The following TMA16 variants were observed in gnomAD, a reference collection of about 807,000 sequenced individuals.
The protein encoded by TMA16 is translation machinery-associated protein 16.
A neutral mutation model predicts 27.1 loss-of-function variants in TMA16; 26 were observed. The ratio of observed to expected loss-of-function variants is 0.96; its 90% confidence interval spans 0.70 to 1.33. The LOEUF (loss-of-function observed/expected upper bound fraction) is 1.33. Among genes scored for constraint, TMA16 ranks in the 40% most tolerant of loss-of-function variants. The probability of loss-of-function intolerance (pLI) is 0.00; values close to 1 mark genes in which losing one functional copy is unlikely to be tolerated. For missense variants in TMA16, 233 were observed against 241.4 expected (o/e 0.97, Z 0.23); for synonymous variants, 71 against 81.9 (o/e 0.87, Z 0.72).
chr4:163,516,155 A>C (rs1737873587), intron 5 of TMA16: 1 of 152,282 alleles, frequency 6.6e-6, no homozygotes, highest in African/African-American at 2.4e-5. Flanking sequence ...TTATCAGAGC[A>C]CATCCAAAGT....
intron 1 of TMA16, among the ~76,000 whole-genome samples, chr4:163,500,176 A>G (rs775585100): frequency 3.3e-5 from 5 of 151,930 alleles, no homozygotes; most frequent in Admixed American, 6.6e-5. Flanking sequence ...TAAATACTTA[A>G]GAAACGTATA....
rs1462050349 is a variant in TMA16, at chr4:163,519,547, G to C, written c.*33G>C. 31 of 1,503,292 alleles carry C rather than the reference G, an allele frequency of 2.1e-5. No homozygotes were observed. The highest frequency in any genetic ancestry group is 2.7e-5 in the Non-Finnish European group (31 of 1,132,776). 93.1% of individuals were successfully genotyped at this position (1,503,292 alleles called of 1,614,324 possible). On this transcript the variant is annotated 3_prime_UTR_variant, in exon 7 of 7. Transcript: ENST00000358572. Reference sequence around the variant, plus strand: ...CACTTGAATTGAAAATAAATAATTTGAGAGCTTCAAATTATATTCATTGAT... The same window carrying C: ...CACTTGAATTGAAAATAAATAATTTCAGAGCTTCAAATTATATTCATTGAT...
rs779693429 is a variant in TMA16 at position 163,514,158 on chromosome 4, G to A, written c.239G>A (p.Arg80Lys). Residue 80 changes from arginine (R) to lysine (K), a missense_variant and splice_region_variant, in exon 4 of 7, where the codon AGG becomes AAG. Coordinates refer to ENST00000358572, the MANE Select transcript of TMA16 (RefSeq NM_018352.3). The stretch of plus-strand genomic sequence containing the variant: ...AAAGATGCTTGTGAACTAATTGAAA[G>A]GTAAACACTGGGCATATTATGAGCA... ...SKKDACELIE[R>K]YLNRFSSELE... 2 of 1,601,738 alleles carry A rather than the reference G, an allele frequency of 1.2e-6. No individual in the cohort carries two copies. Among genetic ancestry groups the A allele is most frequent in the Non-Finnish European group, 1.7e-6 (2 of 1,174,040 alleles).
intron 1 of TMA16, among the ~76,000 whole-genome samples, chr4:163,495,654 G>A (rs1403362206): frequency 1.3e-5 from 2 of 152,018 alleles, no homozygotes; most frequent in African/African-American, 4.8e-5. Flanking sequence ...TTTAATAAAA[G>A]CAAAATTTTA....
At chr4:163,512,960 C>G in intron 3 of TMA16, 101 bp downstream of exon 3, 1 of 862,184 alleles carries the variant, frequency 1.2e-6, no homozygotes, top group East Asian at 2.6e-5. Context: ...CTGTTTTTAT[C>G]AAAGTGAATT....
intron 2 of TMA16, among the ~76,000 whole-genome samples, chr4:163,509,862 G>A (rs1435032201): frequency 6.6e-6 from 1 of 152,110 alleles, no homozygotes; most frequent in Non-Finnish European, 1.5e-5. Context: ...ATTCTAGATA[G>A]CAAATGAAAA....
At chr4:163,507,355 G>A (rs1004111035) in intron 2 of TMA16, among the ~76,000 whole-genome samples, 1 of 152,150 alleles carries the variant, frequency 6.6e-6, no homozygotes, top group African/African-American at 2.4e-5. Flanking sequence ...AGTAGGTGAT[G>A]AGTGCCATGA....
Position 163,514,102 on chromosome 4 carries a change from T to G in TMA16, c.183T>G (p.His61Gln). 1 of 1,610,472 alleles carries G rather than the reference T, an allele frequency of 6.2e-7. No homozygotes were observed. Among genetic ancestry groups the G allele is most frequent in the Non-Finnish European group, 8.5e-7 (1 of 1,178,538 alleles). ...AAAAACTGCAATGGTTTCAAAATCA[T>G]CTTGATCCCCAAAAAAAGAGATATT... ...VGEKLQWFQNHLDPQKKRYSK... is the reference protein window; with the variant it reads ...VGEKLQWFQNQLDPQKKRYSK... The change falls in exon 4 of 7, where the codon CAT (histidine) becomes CAG (glutamine). Residue 61 changes from histidine to glutamine, a missense_variant. Transcript: ENST00000358572.
intron 2 of TMA16, among the ~76,000 whole-genome samples, chr4:163,507,771 AAGG>A (rs1329605690): frequency 6.6e-6 from 1 of 151,926 alleles, no homozygotes; most frequent in Non-Finnish European, 1.5e-5. Context: ...TGAGACTGAG[AAGG>A]AGGAGAAAGA....
intron 1 of TMA16, among the ~76,000 whole-genome samples, chr4:163,496,073 G>A (rs1447920318): frequency 6.6e-6 from 1 of 152,204 alleles, no homozygotes; most frequent in Non-Finnish European, 1.5e-5. Context: ...CGTTGCTTTG[G>A]CATAGAAGTC....
At chr4:163,506,370 T>C (rs906866405) in intron 1 of TMA16, among the ~76,000 whole-genome samples, 8 of 152,150 alleles carry the variant, frequency 5.3e-5, no homozygotes, top group African/African-American at 1.9e-4. Context: ...CCAAATATGA[T>C]TCCTAGATCA....
At chr4:163,496,242 C>A (rs1036425333) in intron 1 of TMA16, among the ~76,000 whole-genome samples, 4 of 152,174 alleles carry the variant, frequency 2.6e-5, no homozygotes, top group Non-Finnish European at 5.9e-5. Flanking sequence ...CCCTGAGTTG[C>A]CATCTTGGCA....
At chr4:163,504,548 A>T (rs1737693958) in intron 1 of TMA16, among the ~76,000 whole-genome samples, 2 of 152,166 alleles carry the variant, frequency 1.3e-5, no homozygotes, top group South Asian at 2.1e-4. Flanking sequence ...CCCAGGCTAG[A>T]GTGCAGTGGT....
intron 1 of TMA16, among the ~76,000 whole-genome samples, chr4:163,496,772 A>G (rs1401074108): frequency 6.6e-6 from 1 of 151,520 alleles, no homozygotes; most frequent in African/African-American, 2.4e-5. Flanking sequence ...TAATTTTTGT[A>G]TGTTTAGTAG....
intron 5 of TMA16, 96 bp from the exon 6 acceptor site, chr4:163,517,338 G>T: frequency 1.6e-6 from 2 of 1,251,642 alleles, no homozygotes; most frequent in South Asian, 1.3e-5. Flanking sequence ...TTTGTTTTCT[G>T]TTGGATATTC....
Position 163,519,772 on chromosome 4 carries a change from G to A in TMA16, c.*258G>A, listed in dbSNP as rs1737941837. On this transcript the variant is annotated 3_prime_UTR_variant, in exon 7 of 7. Coordinates refer to ENST00000358572, the MANE Select transcript of TMA16 (RefSeq NM_018352.3). ...CTTCATCTGAATTTCAGGCTGGGAG[G>A]GAGCAATATAACTAAGGACAAAAAA... 6.0e-6 allele frequency: 3 copies of A among 502,540 alleles called. No individual in the cohort carries two copies. The highest frequency in any genetic ancestry group is 4.3e-5 in the Admixed American group (1 of 23,380). 31.1% of individuals were successfully genotyped at this position (502,540 alleles called of 1,614,324 possible). A position where few individuals can be genotyped will look rare whatever the true frequency, so the allele number is the denominator to read the frequency against.
Position 163,519,700 on chromosome 4 carries a change from A to G in TMA16, c.*186A>G. On this transcript the variant is annotated 3_prime_UTR_variant, in exon 7 of 7. Coordinates refer to ENST00000358572, the MANE Select transcript of TMA16 (RefSeq NM_018352.3). ...AAAATGAAGATTGCTTTTCATTTCCATTAAGTTGCTAAAATAGATAGATGT... is the reference window on the plus strand; with the variant it reads ...AAAATGAAGATTGCTTTTCATTTCCGTTAAGTTGCTAAAATAGATAGATGT... 3.3e-6 allele frequency: 2 copies of G among 611,832 alleles called. No individual in the cohort carries two copies. Among genetic ancestry groups the G allele is most frequent in the East Asian group, 3.2e-5 (1 of 31,018 alleles). 37.9% of individuals were successfully genotyped at this position (611,832 alleles called of 1,614,324 possible).
chr4:163,498,645 C>G (rs975105392), intron 1 of TMA16, among the ~76,000 whole-genome samples: 5 of 152,030 alleles, frequency 3.3e-5, no homozygotes, highest in African/African-American at 4.8e-5. Context: ...TGGGTACTAT[C>G]TTTATTTTTA....
At chr4:163,499,339 T>A (rs1737611144) in intron 1 of TMA16, among the ~76,000 whole-genome samples, 1 of 152,156 alleles carries the variant, frequency 6.6e-6, no homozygotes, top group Admixed American at 6.5e-5. Flanking sequence ...TTATTTTAAA[T>A]CTTCTGAATT....
Sources: gnomAD v4.1 joint callset for allele counts (sites outside exome capture counted in the v4.1 genomes callset) on GRCh38, gnomAD v4.1.1 for gene constraint, MANE v1.5 for transcripts, NCBI Gene and HGNC (gene_info 2026-07-23, HGNC 2026-07-21) for gene names.